The following PDE10A variants were observed in gnomAD, a reference collection of about 807,000 sequenced individuals.
PDE10A encodes the protein cAMP and cAMP-inhibited cGMP 3',5'-cyclic phosphodiesterase 10A.
A neutral mutation model predicts 97.7 loss-of-function variants in PDE10A; 39 were observed. That is an observed-to-expected ratio of 0.40 (90% CI 0.31 to 0.52). The LOEUF is 0.52. PDE10A is among the 20% of genes least tolerant of loss of function. The pLI, the probability that PDE10A is intolerant of heterozygous loss-of-function variation, is 0.56. For synonymous variants in PDE10A, 371 were observed against 376.8 expected (o/e 0.98, Z 0.18); for missense variants, 731 against 1,047.8 (o/e 0.70, Z 4.17).
At chr6:165,762,294 C>T (rs1043287725) in intron 1 of PDE10A, among the ~76,000 whole-genome samples, 8 of 152,200 alleles carry the variant, frequency 5.3e-5, no homozygotes, top group African/African-American at 1.7e-4. Flanking sequence ...TCTTTGCCTT[C>T]AGCACCTTAT....
chr6:165,339,214 T>C (rs1281092193), intron 20 of PDE10A, 64 bp downstream of exon 20: 2 of 926,740 alleles, frequency 2.2e-6, no homozygotes, highest in Non-Finnish European at 3.6e-6. Flanking sequence ...CATTTATGTA[T>C]GATTTTATGC....
chr6:165,474,916 G>A (rs1362139831), intron 3 of PDE10A, among the ~76,000 whole-genome samples: 2 of 152,216 alleles, frequency 1.3e-5, no homozygotes, highest in South Asian at 2.1e-4. Flanking sequence ...GAAATAGAGC[G>A]AGTGAGTTTC....
At chr6:165,481,574 A>G (rs1050267656) in intron 3 of PDE10A, among the ~76,000 whole-genome samples, 2 of 152,222 alleles carry the variant, frequency 1.3e-5, no homozygotes, top group African/African-American at 4.8e-5. Flanking sequence ...ATTCAAACTG[A>G]TTATTTTCAA....
rs184749353 is a variant in PDE10A, at chr6:165,541,749, G to C, written c.994+1691C>G. Among the ~76,000 whole-genome samples, 212 of 152,234 alleles carry C rather than the reference G, an allele frequency of 1.4e-3. 1 individual carries two copies. Among genetic ancestry groups the C allele is most frequent in the African/African-American group, 4.8e-3 (198 of 41,566 alleles). On this transcript the variant is annotated intron_variant, in intron 2 of 21. Transcript: ENST00000539869. ...CTATGTCAAGCTTTCTTTAAGGTTA[G>C]TCTTGATATTAAATGCCAAGATTGA...
intron 1 of PDE10A, among the ~76,000 whole-genome samples, chr6:165,804,544 G>A (rs1779064681): frequency 6.6e-6 from 1 of 152,158 alleles, no homozygotes; most frequent in Non-Finnish European, 1.5e-5. Flanking sequence ...ACGAGGCCAG[G>A]AAGAAGAGGT....
At chr6:165,921,825 G>C (rs1782760423) in intron 1 of PDE10A, among the ~76,000 whole-genome samples, 1 of 152,204 alleles carries the variant, frequency 6.6e-6, no homozygotes, top group Non-Finnish European at 1.5e-5. Context: ...GCTCTTGAAA[G>C]AGACTGGCTT....
intron 1 of PDE10A, among the ~76,000 whole-genome samples, chr6:165,978,928 G>C (rs1333427141): frequency 6.6e-6 from 1 of 152,136 alleles, no homozygotes; most frequent in African/African-American, 2.4e-5. Flanking sequence ...CTGTGTGCCA[G>C]AGAAGAATAA....
chr6:165,503,191 G>T (rs893925910), intron 2 of PDE10A, among the ~76,000 whole-genome samples: 3 of 152,044 alleles, frequency 2.0e-5, no homozygotes, highest in African/African-American at 4.8e-5. Context: ...CAGCAGCAGG[G>T]GAGATGTTCA....
At chr6:165,644,260 C>T (rs953220430) in intron 1 of PDE10A, among the ~76,000 whole-genome samples, 13 of 152,194 alleles carry the variant, frequency 8.5e-5, no homozygotes, top group African/African-American at 2.4e-4. Flanking sequence ...GGGGTTTCAC[C>T]GTGTGTTAGC....
At chr6:165,799,959 A>C (rs1778940383) in intron 1 of PDE10A, among the ~76,000 whole-genome samples, 1 of 152,164 alleles carries the variant, frequency 6.6e-6, no homozygotes, top group African/African-American at 2.4e-5. Context: ...GACGTCTGTC[A>C]GGCAATTCCT....
intron 10 of PDE10A, among the ~76,000 whole-genome samples, chr6:165,420,765 G>A (rs1203533528): frequency 1.3e-5 from 2 of 151,954 alleles, no homozygotes; most frequent in African/African-American, 2.4e-5. Context: ...AAAAATATTA[G>A]CAAAAAAGGC....
intron 10 of PDE10A, among the ~76,000 whole-genome samples, chr6:165,427,817 CAA>C (rs1562456508): frequency 6.6e-6 from 1 of 152,012 alleles, no homozygotes; most frequent in African/African-American, 2.4e-5. Flanking sequence ...TGTTTCATAA[CAA>C]GAGAAGTTAT....
At chr6:165,737,936 A>C (rs1242519514) in intron 1 of PDE10A, among the ~76,000 whole-genome samples, 1 of 152,256 alleles carries the variant, frequency 6.6e-6, no homozygotes, top group African/African-American at 2.4e-5. Context: ...ATTTAGAGCT[A>C]ATAAACAGCT....
chr6:165,517,366 A>C (rs2128305883), intron 2 of PDE10A, among the ~76,000 whole-genome samples: 1 of 152,318 alleles, frequency 6.6e-6, no homozygotes, highest in East Asian at 1.9e-4. Flanking sequence ...CAGAGACAAA[A>C]ACATAAGACA....
Position 165,874,584 on chromosome 6 carries a change from C to T in PDE10A, c.-615+112945G>A, listed in dbSNP as rs183907155. 1.1e-4 allele frequency among the ~76,000 whole-genome samples: 16 copies of T among 152,042 alleles called. No homozygotes were observed. In the East Asian group the frequency reaches 2.9e-3, roughly 28 times the overall value. On this transcript the variant is annotated intron_variant, in intron 1 of 19. Coordinates refer to the PDE10A transcript ENST00000366882. ...ACAAAACAGTTTTAAAATCAGTAAG[C>T]GTTACACAAATAATGGTGCTTATTG...
chr6:165,804,407 G>GTTTTC (rs1016609659), intron 1 of PDE10A, among the ~76,000 whole-genome samples: 1 of 151,982 alleles, frequency 6.6e-6, no homozygotes, highest in Non-Finnish European at 1.5e-5. Flanking sequence ...TGCTTCGTTT[G>GTTTTC]TTTTGTTTTG....
intron 13 of PDE10A, among the ~76,000 whole-genome samples, chr6:165,406,555 G>GT (rs565023135): frequency 4.9e-4 from 74 of 152,014 alleles, no homozygotes; most frequent in African/African-American, 1.6e-3. Context: ...GAAGTTTTGG[G>GT]TTTTTTTCCT....
intron 1 of PDE10A, among the ~76,000 whole-genome samples, chr6:165,860,576 G>C (rs1780875517): frequency 6.6e-6 from 1 of 152,228 alleles, no homozygotes; most frequent in South Asian, 2.1e-4. Flanking sequence ...TGGACCTCAG[G>C]TCAGAACACT....
At chr6:165,392,523 T>C in intron 16 of PDE10A, 123 bp downstream of exon 16, 1 of 872,282 alleles carries the variant, frequency 1.1e-6, no homozygotes, top group Non-Finnish European at 1.8e-6. Flanking sequence ...CTACTATTGA[T>C]TTATTAAGCC....
Sources: allele counts gnomAD v4.1 joint callset (sites outside exome capture counted in the v4.1 genomes callset), GRCh38; gene constraint gnomAD v4.1.1; transcripts MANE v1.5; gene names NCBI Gene and HGNC (gene_info 2026-07-23, HGNC 2026-07-21).